Variants in GPC6 observed in about 807,000 individuals in gnomAD.
GPC6 encodes glypican 6.
Under a neutral mutation model 55.2 loss-of-function variants are expected in GPC6, and 14 were observed. That is an observed-to-expected ratio of 0.25 (90% CI 0.17 to 0.40). The LOEUF (loss-of-function observed/expected upper bound fraction) is 0.40. Among genes scored for constraint, GPC6 ranks in the 10% least tolerant of loss-of-function variants. The probability of loss-of-function intolerance (pLI) is 1.00; values close to 1 mark genes in which losing one functional copy is unlikely to be tolerated. For missense variants in GPC6, 641 were observed against 708.5 expected (o/e 0.90, Z 1.08); for synonymous variants, 278 against 259.6 (o/e 1.07, Z -0.68).
chr13:93,279,023 T>C (rs1877858277), intron 1 of GPC6, among the ~76,000 whole-genome samples: 1 of 152,256 alleles, frequency 6.6e-6, no homozygotes, highest in Non-Finnish European at 1.5e-5. Flanking sequence ...AAATATGATA[T>C]ATTTTTAAAG....
intron 4 of GPC6, among the ~76,000 whole-genome samples, chr13:94,217,744 T>C (rs1890265626): frequency 6.6e-6 from 1 of 152,224 alleles, no homozygotes; most frequent in South Asian, 2.1e-4. Context: ...GTAGGATCAG[T>C]GGTTAAGAGC....
At chr13:94,330,986 C>A (rs1478062781) in intron 6 of GPC6, among the ~76,000 whole-genome samples, 1 of 152,064 alleles carries the variant, frequency 6.6e-6, no homozygotes, top group African/African-American at 2.4e-5. Flanking sequence ...ATTGGGCCTC[C>A]CTCCAAATAT....
chr13:94,228,785 T>G (rs1205026333), intron 4 of GPC6, among the ~76,000 whole-genome samples: 2 of 128,198 alleles, frequency 1.6e-5, no homozygotes, highest in Admixed American at 8.4e-5. Context: ...TACACATATA[T>G]CCTCTTTGGT....
intron 6 of GPC6, among the ~76,000 whole-genome samples, chr13:94,347,064 T>A (rs1878327095): frequency 6.6e-6 from 1 of 152,192 alleles, no homozygotes; most frequent in South Asian, 2.1e-4. Context: ...AATACCTAGT[T>A]TGTTTACATG....
Position 93,631,038 on chromosome 13 carries a change from C to T in GPC6, c.319+85617C>T, listed in dbSNP as rs114831476. The stretch of plus-strand genomic sequence containing the variant: ...TACAGTAGTCCCATGTGAAGTTACA[C>T]GGAGAGGTGGCTGTGTTGTAGGATT... On this transcript the variant is annotated intron_variant, in intron 2 of 8. Transcript: ENST00000377047. Among the ~76,000 whole-genome samples the T allele has an allele frequency of 1.1e-3, 166 of 152,220 alleles. 1 individual carries two copies. The highest frequency in any genetic ancestry group is 3.3e-3 in the African/African-American group (138 of 41,548).
At chr13:94,222,443 T>C (rs1280949979) in intron 4 of GPC6, among the ~76,000 whole-genome samples, 2 of 152,066 alleles carry the variant, frequency 1.3e-5, no homozygotes, top group African/African-American at 4.8e-5. Context: ...TAGAGACACA[T>C]TAGGGAATGA....
Position 94,176,735 on chromosome 13 carries a change from C to T in GPC6, c.878-109614C>T, listed in dbSNP as rs561815483. 2.6e-5 allele frequency among the ~76,000 whole-genome samples: 4 copies of T among 152,218 alleles called. No individual in the cohort carries two copies. The South Asian group carries it at 8.3e-4, about 32-fold the overall frequency. ...GTGATTTATTAAGATGAGAAGCAGACATTGCTAAAACAGGAAGAAAAGCAA... is the reference window on the plus strand; with the variant it reads ...GTGATTTATTAAGATGAGAAGCAGATATTGCTAAAACAGGAAGAAAAGCAA... On this transcript the variant is annotated intron_variant, in intron 4 of 8. Coordinates refer to ENST00000377047, the MANE Select transcript of GPC6 (RefSeq NM_005708.5).
At chr13:93,271,412 T>C (rs754404468) in intron 1 of GPC6, among the ~76,000 whole-genome samples, 32 of 151,934 alleles carry the variant, frequency 2.1e-4, no homozygotes, top group Non-Finnish European at 4.0e-4. Flanking sequence ...CTGAAACAAC[T>C]AAGGTTTAAG....
chr13:93,792,887 A>G (rs1886090716), intron 2 of GPC6, among the ~76,000 whole-genome samples: 1 of 152,192 alleles, frequency 6.6e-6, no homozygotes, highest in Non-Finnish European at 1.5e-5. Flanking sequence ...TAAGAAAAAC[A>G]ACCCCATCAT....
intron 2 of GPC6, among the ~76,000 whole-genome samples, chr13:93,626,201 G>A (rs1159089060): frequency 6.6e-6 from 1 of 152,082 alleles, no homozygotes. Context: ...TCCTAAAGCA[G>A]GGCCAGCTAC....
chr13:93,872,139 A>T (rs1486155454), intron 3 of GPC6, among the ~76,000 whole-genome samples: 5 of 152,062 alleles, frequency 3.3e-5, no homozygotes, highest in Admixed American at 2.0e-4. Flanking sequence ...AAAAGAGATT[A>T]TTTGTCACTG....
At chr13:94,161,553 A>G (rs531302781) in intron 4 of GPC6, among the ~76,000 whole-genome samples, 1 of 152,208 alleles carries the variant, frequency 6.6e-6, no homozygotes, top group Non-Finnish European at 1.5e-5. Flanking sequence ...GAGCACCTGT[A>G]TACCAGAGCT....
chr13:94,046,158 G>T (rs1487986437), intron 4 of GPC6, among the ~76,000 whole-genome samples: 2 of 151,976 alleles, frequency 1.3e-5, no homozygotes, highest in African/African-American at 4.8e-5. Context: ...TGATCTCCAT[G>T]TCCCACCCAC....
rs144098104 is a variant in GPC6, at chr13:93,252,380, T to C, written c.160+24764T>C. Among the ~76,000 whole-genome samples, 75 of 152,328 alleles carry C rather than the reference T, an allele frequency of 4.9e-4. 1 individual carries two copies. The East Asian group carries it at 0.014, about 28-fold the overall frequency. On this transcript the variant is annotated intron_variant, in intron 1 of 8. Coordinates refer to ENST00000377047, the MANE Select transcript of GPC6 (RefSeq NM_005708.5). ...TTGCCTTCTAGAAATTTCCATCTGA[T>C]AAAAGATTTTTCCAATACACTTACT... is the stretch of plus-strand genomic sequence containing the variant.
chr13:94,086,689 A>T (rs1330653958), intron 4 of GPC6, among the ~76,000 whole-genome samples: 3 of 146,644 alleles, frequency 2.0e-5, no homozygotes, highest in African/African-American at 7.3e-5. Flanking sequence ...GGCTATCTTA[A>T]GAGACATGAT....
At chr13:93,236,587 A>G (rs76819751) in intron 1 of GPC6, among the ~76,000 whole-genome samples, 2,032 of 152,276 alleles carry the variant, frequency 0.013, 46 homozygotes, top group African/African-American at 0.047. Context: ...CATGAAATCT[A>G]TCGTGAACTG....
At chr13:93,306,016 G>A (rs1878845087) in intron 1 of GPC6, among the ~76,000 whole-genome samples, 1 of 152,106 alleles carries the variant, frequency 6.6e-6, no homozygotes, top group Non-Finnish European at 1.5e-5. Context: ...ATGAATGGAG[G>A]GTTAGTATAT....
chr13:94,130,618 A>T (rs1886973662), intron 4 of GPC6, among the ~76,000 whole-genome samples: 1 of 152,112 alleles, frequency 6.6e-6, no homozygotes, highest in Non-Finnish European at 1.5e-5. Context: ...TGGAAACTCT[A>T]TTTAGCTACT....
chr13:93,672,590 A>G (rs899771622), intron 2 of GPC6, among the ~76,000 whole-genome samples: 1 of 151,870 alleles, frequency 6.6e-6, no homozygotes, highest in Non-Finnish European at 1.5e-5. Flanking sequence ...AAAATTGGAA[A>G]TAAAAATTGA....
Sources: allele counts gnomAD v4.1 joint callset (sites outside exome capture counted in the v4.1 genomes callset), GRCh38; gene constraint gnomAD v4.1.1; transcripts MANE v1.5; gene names NCBI Gene and HGNC (gene_info 2026-07-23, HGNC 2026-07-21).